The following MICALL2 variants were observed in gnomAD, a reference collection of about 807,000 sequenced individuals.
The protein encoded by MICALL2 is MICAL like 2.
In MICALL2, 111 loss-of-function variants were observed where a neutral mutation model predicts 91.1. That is an observed-to-expected ratio of 1.22 (90% confidence interval 1.04 to 1.43). MICALL2 has a LOEUF of 1.43. MICALL2 is among the 40% of genes most tolerant of loss of function. MICALL2 has a pLI of 0.00. For missense variants in MICALL2, 1,556 were observed against 1,236.0 expected (o/e 1.26, Z -3.88); for synonymous variants, 694 against 525.3 (o/e 1.32, Z -4.39).
intron 2 of MICALL2, among the ~76,000 whole-genome samples, chr7:1,449,149 T>C (rs576128449): frequency 2.0e-5 from 3 of 152,110 alleles, no homozygotes; most frequent in Non-Finnish European, 4.4e-5. Flanking sequence ...GACACACAGG[T>C]CGCCATGTCA....
rs568840663 is a variant in MICALL2 at position 1,451,757 on chromosome 7, C to T, written c.144-1469G>A. On this transcript the variant is annotated intron_variant, in intron 1 of 16. Transcript: ENST00000297508. The surrounding 1 kb of genome is among the most constrained non-coding windows in gnomAD (Gnocchi z 4.5). ...AGCTCCTGGTGGCGAATCTGACGGC[C>T]GTAGCTGCAGCAAACAGGAAGGCTG... is the stretch of plus-strand genomic sequence containing the variant. Among the ~76,000 whole-genome samples the T allele has an allele frequency of 6.6e-6, 1 of 152,328 alleles. No individual in the cohort carries two copies. Among genetic ancestry groups the T allele is most frequent in the East Asian group, 1.9e-4 (1 of 5,180 alleles).
chr7:1,438,974 CG>C lies in MICALL2; in HGVS notation c.1987del (p.Arg663AlafsTer62). On this transcript the variant is annotated frameshift_variant, in exon 10 of 17. Transcript: ENST00000297508. LOFTEE classifies it high-confidence loss of function. ...GGCAGGGACGGCCAGTCTCCTGCGG[CG>C]GGGTGGGGAGGGGGACCTGGCTGCC... ...SLPARSPSPP[R>X]RRRLAVPASL... 1 of 1,597,224 alleles carries C rather than the reference CG, an allele frequency of 6.3e-7. No homozygotes were observed. The highest frequency in any genetic ancestry group is 8.5e-7 in the Non-Finnish European group (1 of 1,177,630).
chr7:1,456,985 T>C (rs930857754), intron 1 of MICALL2, among the ~76,000 whole-genome samples: 6 of 152,138 alleles, frequency 3.9e-5, no homozygotes, highest in African/African-American at 1.2e-4. Flanking sequence ...ATTTGTTTTC[T>C]CACGGCTCTG....
chr7:1,459,058 G>A, intron 1 of MICALL2, 126 bp downstream of exon 1: 2 of 940,938 alleles, frequency 2.1e-6, no homozygotes. Context: ...GCTGCACGGT[G>A]GGCTGTGCCT....
At chr7:1,434,750 G>GAA in intron 16 of MICALL2, 78 bp from the exon 17 acceptor site, 1 of 1,394,810 alleles carries the variant, frequency 7.2e-7, no homozygotes, top group Non-Finnish European at 9.7e-7. Flanking sequence ...CCCCCTGCCA[G>GAA]AAACATCCTT....
rs544248760 is a variant in MICALL2 at position 1,434,455 on chromosome 7, C to G, written c.*141G>C. 9.3e-6 allele frequency: 7 copies of G among 754,730 alleles called. No homozygotes were observed. The South Asian group carries it at 1.0e-4, about 11-fold the overall frequency. The allele number at this position is 754,730 out of a possible 1,614,324, so 46.8% of individuals were successfully genotyped here. ...CCTTGTAGGGACAGGAGGCCCTTCC[C>G]GAGTCCAAGTCCGAATGCCGGGTCC... On this transcript the variant is annotated 3_prime_UTR_variant, in exon 17 of 17. Transcript: ENST00000297508.
chr7:1,456,439 G>A (rs576608230), intron 1 of MICALL2, among the ~76,000 whole-genome samples: 21 of 152,084 alleles, frequency 1.4e-4, no homozygotes, highest in Non-Finnish European at 2.2e-4. Flanking sequence ...TATGAAAATC[G>A]GCTGGGTGTG....
Position 1,447,713 on chromosome 7 carries a change from C to G in MICALL2, c.387G>C (p.Pro129=). Residue 129 remains proline (P), a synonymous_variant, in exon 4 of 17, where the codon CCG becomes CCC. Coordinates refer to ENST00000297508, the MANE Select transcript of MICALL2 (RefSeq NM_182924.4). Reference sequence around the variant, plus strand: ...CCTGGACTGGAGCCTTCTTCCCTGACGGCTCCTCCTCAGAGTCCTCCGAGG... The same window carrying G: ...CCTGGACTGGAGCCTTCTTCCCTGAGGGCTCCTCCTCAGAGTCCTCCGAGG... ...KRASEDSEEE[P]SGKKAPVQAA... The G allele has an allele frequency of 1.9e-6, 3 of 1,577,232 alleles. No homozygotes were observed. Among genetic ancestry groups the G allele is most frequent in the South Asian group, 1.2e-5 (1 of 86,040 alleles).
At chr7:1,457,768 C>T (rs187067335) in intron 1 of MICALL2, among the ~76,000 whole-genome samples, 20 of 152,380 alleles carry the variant, frequency 1.3e-4, no homozygotes, top group South Asian at 4.1e-4. Context: ...CCGGTGGCAA[C>T]GCCTCTCCCC....
intron 6 of MICALL2, 72 bp from the exon 7 acceptor site, chr7:1,442,556 C>G: frequency 7.1e-7 from 1 of 1,404,520 alleles, no homozygotes; most frequent in South Asian, 1.4e-5. Context: ...GAGGCCGCCC[C>G]TCTGCCTCCC....
At chr7:1,457,018 G>C (rs1009354401) in intron 1 of MICALL2, among the ~76,000 whole-genome samples, 1 of 152,184 alleles carries the variant, frequency 6.6e-6, no homozygotes, top group African/African-American at 2.4e-5. Context: ...CGACATCAAG[G>C]TGTGGGCTGG....
chr7:1,434,849 C>T (rs1479942208), intron 16 of MICALL2, 177 bp from the exon 17 acceptor site: 12 of 747,014 alleles, frequency 1.6e-5, no homozygotes, highest in Non-Finnish European at 2.6e-5. Context: ...CGACTGGGTG[C>T]CCCGGAGGGC....
chr7:1,444,799 G>T lies in MICALL2; in HGVS notation c.1271C>A (p.Ser424Ter). Residue 424 changes from serine (S) to a stop codon, truncating the protein, a stop_gained, in exon 6 of 17, where the codon TCA becomes TAA. Coordinates refer to ENST00000297508, the MANE Select transcript of MICALL2 (RefSeq NM_182924.4). LOFTEE classifies it high-confidence loss of function. Reference sequence around the variant, plus strand: ...AAGGCTGGTGCCGGGGGGCACTGCTGATGTTTGGAAAAACTTATTCCGGGC... The same window carrying T: ...AAGGCTGGTGCCGGGGGGCACTGCTTATGTTTGGAAAAACTTATTCCGGGC... Reference protein sequence around the residue: ...QQARNKFFQTSAVPPGTSLSG... With the variant: ...QQARNKFFQT 6.2e-7 allele frequency: 1 copy of T among 1,611,388 alleles called. No individual in the cohort carries two copies. Among genetic ancestry groups the T allele is most frequent in the Non-Finnish European group, 8.5e-7 (1 of 1,179,322 alleles).
chr7:1,437,211 C>T (rs1413273221), intron 14 of MICALL2: 2 of 499,082 alleles, frequency 4.0e-6, no homozygotes, highest in Non-Finnish European at 7.0e-6. Context: ...GAGACAAATG[C>T]CTATGGCTCG....
chr7:1,455,641 C>T (rs558005373), intron 1 of MICALL2, among the ~76,000 whole-genome samples: 13 of 151,922 alleles, frequency 8.6e-5, no homozygotes, highest in African/African-American at 2.4e-4. Flanking sequence ...CCCCTCCACC[C>T]GGGGTCGGTG....
intron 1 of MICALL2, 76 bp downstream of exon 1, chr7:1,459,108 C>T (rs1230109391): frequency 6.9e-7 from 1 of 1,452,264 alleles, no homozygotes; most frequent in South Asian, 1.3e-5. Flanking sequence ...CCCAGCCGCC[C>T]GGGCCTCAGT....
chr7:1,459,091 C>T (rs2128527657), intron 1 of MICALL2, 93 bp downstream of exon 1: 6 of 1,356,730 alleles, frequency 4.4e-6, no homozygotes, highest in Non-Finnish European at 6.0e-6. Flanking sequence ...GCCTCGGCTC[C>T]CCATCCCCCA....
intron 5 of MICALL2, among the ~76,000 whole-genome samples, chr7:1,445,786 C>A (rs1489175195): frequency 6.6e-6 from 1 of 152,200 alleles, no homozygotes; most frequent in Non-Finnish European, 1.5e-5. Flanking sequence ...CTGACCCACC[C>A]TGGCCTCACA....
rs767371321 is a variant in MICALL2 at position 1,445,073 on chromosome 7, C to T, written c.997G>A (p.Glu333Lys). 6 of 1,550,252 alleles carry T rather than the reference C, an allele frequency of 3.9e-6. No individual in the cohort carries two copies. Among genetic ancestry groups the T allele is most frequent in the Middle Eastern group, 1.7e-4 (1 of 5,980 alleles). The stretch of plus-strand genomic sequence containing the variant: ...GTCACACGAGGGCGGACTTTCCCCT[C>T]CGTGGGAGTGGGGGCCAGGCGGCTC... Reference protein sequence around the residue: ...SESRLAPTPTEGKVRPRVTNS... With the variant: ...SESRLAPTPTKGKVRPRVTNS... The change falls in exon 6 of 17, where the codon GAG (glutamate) becomes AAG (lysine). Residue 333 changes from glutamate (E) to lysine (K), a missense_variant. Glu to Lys is a moderately conservative substitution (Grantham distance 56, BLOSUM62 1). Transcript: ENST00000297508.
Sources: gnomAD v4.1 joint callset for allele counts (sites outside exome capture counted in the v4.1 genomes callset) on GRCh38, gnomAD v4.1.1 for gene constraint, Gnocchi (gnomAD v3.1) non-coding constraint, MANE v1.5 for transcripts, NCBI Gene and HGNC (gene_info 2026-07-23, HGNC 2026-07-21) for gene names.